Variants in STAP1 observed in about 807,000 individuals in gnomAD.
STAP1 encodes the protein signal transducing adaptor family member 1, also known as signal-transducing adaptor protein 1.
In STAP1, 30 loss-of-function variants were observed where a neutral mutation model predicts 37.8. That is an observed-to-expected ratio of 0.79 (90% confidence interval 0.59 to 1.08). The LOEUF (loss-of-function observed/expected upper bound fraction) is 1.08, where lower values mean the gene tolerates loss of function less well. Among genes scored for constraint, STAP1 ranks in the 50% least tolerant of loss-of-function variants. STAP1 has a pLI of 0.00. For synonymous variants in STAP1, 130 were observed against 116.0 expected (o/e 1.12, Z -0.78); for missense variants, 357 against 349.4 (o/e 1.02, Z -0.17).
intron 8 of STAP1, among the ~76,000 whole-genome samples, chr4:67,605,599 GAAT>G (rs1354460107): frequency 6.6e-6 from 1 of 152,090 alleles, no homozygotes; most frequent in Non-Finnish European, 1.5e-5. Flanking sequence ...TAAATAATTA[GAAT>G]ATTATCTGTA....
In STAP1 at chr4:67,597,166, T is replaced by C. The variant is rs139384536; in HGVS notation, c.826+3810T>C. Reference sequence around the variant, plus strand: ...GACATGGTGCCCTCTGTCCCAGCTGTGCCAGCTCCAGCAGTGGCTAAAAGG... The same window carrying C: ...GACATGGTGCCCTCTGTCCCAGCTGCGCCAGCTCCAGCAGTGGCTAAAAGG... On this transcript the variant is annotated intron_variant, in intron 8 of 8. Coordinates refer to ENST00000265404, the MANE Select transcript of STAP1 (RefSeq NM_012108.4). Among the ~76,000 whole-genome samples the C allele has an allele frequency of 2.7e-4, 41 of 152,294 alleles. 1 individual carries two copies. In the East Asian group the frequency reaches 7.5e-3, roughly 28 times the overall value.
intron 2 of STAP1, among the ~76,000 whole-genome samples, chr4:67,572,568 G>C (rs1727629955): frequency 6.6e-6 from 1 of 152,190 alleles, no homozygotes; most frequent in South Asian, 2.1e-4. Context: ...TCTCTCTCCT[G>C]CCGCAGAGTG....
At chr4:67,588,526 C>T (rs1185422180) in intron 6 of STAP1, among the ~76,000 whole-genome samples, 2 of 152,108 alleles carry the variant, frequency 1.3e-5, no homozygotes, top group Admixed American at 6.5e-5. Flanking sequence ...TCTCCTGCCT[C>T]AGCCTCCCGA....
chr4:67,568,191 AC>A (rs1727514863), intron 1 of STAP1, among the ~76,000 whole-genome samples: 1 of 152,236 alleles, frequency 6.6e-6, no homozygotes, highest in Admixed American at 6.5e-5. Context: ...CAAACATTTT[AC>A]TGGTTAAAAA....
chr4:67,568,006 G>A (rs1418089939), intron 1 of STAP1, among the ~76,000 whole-genome samples: 1 of 152,104 alleles, frequency 6.6e-6, no homozygotes, highest in East Asian at 1.9e-4. Context: ...TATCTTATTA[G>A]GCATGAAGAC....
rs1321028735 is a variant in STAP1 at position 67,562,665 on chromosome 4, A to G, written c.120+3736A>G. The stretch of plus-strand genomic sequence containing the variant: ...TGGGCGCCTGTAGTCCCAACTACTC[A>G]GGAGGCTGAAGCAGGAGAATGGCGT... On this transcript the variant is annotated intron_variant, in intron 1 of 8. Coordinates refer to ENST00000265404, the MANE Select transcript of STAP1 (RefSeq NM_012108.4). Among the ~76,000 whole-genome samples, 7 of 151,254 alleles carry G rather than the reference A, an allele frequency of 4.6e-5. No homozygotes were observed. The East Asian group carries it at 1.2e-3, about 25-fold the overall frequency.
At chr4:67,588,130 T>G (rs1326185075) in intron 6 of STAP1, among the ~76,000 whole-genome samples, 1 of 151,390 alleles carries the variant, frequency 6.6e-6, no homozygotes, top group African/African-American at 2.4e-5. Flanking sequence ...CTATCAATCT[T>G]GTTTTTTTCA....
At chr4:67,603,104 C>CA (rs1560469040) in intron 8 of STAP1, among the ~76,000 whole-genome samples, 1 of 152,146 alleles carries the variant, frequency 6.6e-6, no homozygotes, top group Non-Finnish European at 1.5e-5. Flanking sequence ...AGGTGTAAGG[C>CA]AAAGCCCTTC....
intron 6 of STAP1, among the ~76,000 whole-genome samples, chr4:67,590,225 T>G (rs1270180320): frequency 1.3e-5 from 2 of 152,318 alleles, no homozygotes; most frequent in Admixed American, 6.5e-5. Flanking sequence ...TAAAATACCC[T>G]GTATTTGAGT....
chr4:67,570,723 G>T (rs1196824253), intron 1 of STAP1, among the ~76,000 whole-genome samples: 5 of 151,644 alleles, frequency 3.3e-5, no homozygotes, highest in Admixed American at 6.6e-5. Flanking sequence ...AGGAAGGAAG[G>T]AAGGAAGGGA....
intron 8 of STAP1, among the ~76,000 whole-genome samples, chr4:67,602,762 G>C (rs942387124): frequency 6.6e-6 from 1 of 152,040 alleles, no homozygotes; most frequent in African/African-American, 2.4e-5. Flanking sequence ...GCTGCCTGGA[G>C]CTGGGGGAGG....
intron 6 of STAP1, among the ~76,000 whole-genome samples, chr4:67,588,440 C>T (rs973969861): frequency 1.2e-4 from 18 of 151,896 alleles, no homozygotes; most frequent in African/African-American, 4.1e-4. Flanking sequence ...GACGGGGCCT[C>T]GCTCTGTCTC....
intron 4 of STAP1, among the ~76,000 whole-genome samples, chr4:67,577,946 G>A (rs1727763552): frequency 6.6e-6 from 1 of 152,074 alleles, no homozygotes; most frequent in African/African-American, 2.4e-5. Context: ...ACTGTGCCCG[G>A]CCTCTGATTT....
intron 1 of STAP1, among the ~76,000 whole-genome samples, chr4:67,563,564 C>T (rs1231717823): frequency 6.6e-6 from 1 of 152,100 alleles, no homozygotes; most frequent in African/African-American, 2.4e-5. Context: ...ATTAGCCAGG[C>T]GTGGTGGCAC....
intron 8 of STAP1, among the ~76,000 whole-genome samples, chr4:67,596,481 G>C (rs1346653088): frequency 1.3e-5 from 2 of 152,234 alleles, no homozygotes; most frequent in African/African-American, 2.4e-5. Flanking sequence ...AACGGGCAGA[G>C]GGTGGAACAG....
At chr4:67,565,617 C>T (rs1053610548) in intron 1 of STAP1, among the ~76,000 whole-genome samples, 1 of 151,998 alleles carries the variant, frequency 6.6e-6, no homozygotes, top group East Asian at 1.9e-4. Flanking sequence ...GAAATACTTG[C>T]TATGTCCCAG....
At chr4:67,573,056 G>A (rs1388956313) in intron 2 of STAP1, among the ~76,000 whole-genome samples, 3 of 152,168 alleles carry the variant, frequency 2.0e-5, no homozygotes, top group East Asian at 1.9e-4. Context: ...GAAAGCACTG[G>A]GATAGACAAG....
Position 67,590,969 on chromosome 4 carries a change from T to C in STAP1, c.729+16T>C. 1 of 1,602,798 alleles carries C rather than the reference T, an allele frequency of 6.2e-7. No individual in the cohort carries two copies. The highest frequency in any genetic ancestry group is 1.1e-5 in the South Asian group (1 of 90,248). On this transcript the variant is annotated intron_variant, in intron 7 of 8. Transcript: ENST00000265404. ...GGAAAAACCTGTAAGTAACTATTTT[T>C]GTTGTTGTTGATGAACTTCCTCCCG...
At chr4:67,580,080 A>C (rs926804207) in intron 4 of STAP1, among the ~76,000 whole-genome samples, 1 of 151,400 alleles carries the variant, frequency 6.6e-6, no homozygotes, top group African/African-American at 2.4e-5. Context: ...CTGATCTTGA[A>C]CTCTTGACCT....
Sources: allele counts gnomAD v4.1 joint callset (sites outside exome capture counted in the v4.1 genomes callset), GRCh38; gene constraint gnomAD v4.1.1; transcripts MANE v1.5; gene names NCBI Gene and HGNC (gene_info 2026-07-23, HGNC 2026-07-21).